PGCKA1: variants seen among roughly 807,000 people sequenced by gnomAD.
The protein encoded by PGCKA1 is PDCD10 and GCKIII kinases-associated protein 1.
the PGCKA1 span, among the ~76,000 whole-genome samples, chr4:37,459,383 G>C: frequency 6.6e-6 from 1 of 152,082 alleles, no homozygotes; most frequent in Non-Finnish European, 1.5e-5. Context: ...ATTTAGAATA[G>C]TATCTGTTAA....
chr4:37,462,665 C>T, the PGCKA1 span, among the ~76,000 whole-genome samples: 15 of 152,134 alleles, frequency 9.9e-5, no homozygotes, highest in Admixed American at 5.2e-4. Flanking sequence ...GCAATTTTGC[C>T]GTCCATTCCT....
the PGCKA1 span, among the ~76,000 whole-genome samples, chr4:37,571,674 A>C: frequency 1.3e-5 from 2 of 152,016 alleles, no homozygotes; most frequent in Non-Finnish European, 2.9e-5. Context: ...AGTAGCTGGG[A>C]CTACAAATGC....
chr4:37,497,175 C>A, the PGCKA1 span, among the ~76,000 whole-genome samples: 4 of 152,128 alleles, frequency 2.6e-5, no homozygotes, highest in African/African-American at 7.2e-5. Context: ...TCACTGAGAA[C>A]ATATGATGTT....
chr4:37,558,071 C>A, the PGCKA1 span: 2 of 152,246 alleles, frequency 1.3e-5, no homozygotes, highest in Non-Finnish European at 2.9e-5. Context: ...ACAATATCCA[C>A]AACAGGTAAG....
At chr4:37,458,716 T>C in the PGCKA1 span, among the ~76,000 whole-genome samples, 3 of 152,130 alleles carry the variant, frequency 2.0e-5, no homozygotes, top group East Asian at 5.8e-4. Flanking sequence ...CTCCAGTCTA[T>C]TTCAAAAGCA....
At chr4:37,583,439 T>C in the PGCKA1 span, among the ~76,000 whole-genome samples, 1,213 of 135,404 alleles carry the variant, frequency 9.0e-3, 5 homozygotes, top group Non-Finnish European at 0.012. Flanking sequence ...GTTTTTGTTT[T>C]TGTTTTTTTT....
the PGCKA1 span, among the ~76,000 whole-genome samples, chr4:37,481,060 TCC>T: frequency 6.6e-6 from 1 of 152,208 alleles, no homozygotes; most frequent in Non-Finnish European, 1.5e-5. Context: ...ATCCAGCATT[TCC>T]CCAAATTATT....
chr4:37,563,477 T>C, the PGCKA1 span, among the ~76,000 whole-genome samples: 2 of 152,172 alleles, frequency 1.3e-5, no homozygotes, highest in African/African-American at 4.8e-5. Flanking sequence ...CTCTCTCCTC[T>C]TAAGGCCACC....
At chr4:37,516,012 G>A in the PGCKA1 span, among the ~76,000 whole-genome samples, 1 of 152,098 alleles carries the variant, frequency 6.6e-6, no homozygotes. Flanking sequence ...CCTTTTTCAA[G>A]TCAATTGTAG....
At chr4:37,523,403 G>C in the PGCKA1 span, among the ~76,000 whole-genome samples, 1 of 150,110 alleles carries the variant, frequency 6.7e-6, no homozygotes, top group Non-Finnish European at 1.5e-5. Context: ...TTTTTTTCCT[G>C]TTTCTTCATT....
chr4:37,543,422 G>A, the PGCKA1 span, among the ~76,000 whole-genome samples: 2 of 152,122 alleles, frequency 1.3e-5, no homozygotes, highest in Non-Finnish European at 2.9e-5. Context: ...AGGTAGCAAA[G>A]GGCTTGTTTC....
At chr4:37,562,238 G>C in the PGCKA1 span, among the ~76,000 whole-genome samples, 3 of 152,218 alleles carry the variant, frequency 2.0e-5, no homozygotes, top group African/African-American at 7.2e-5. Flanking sequence ...TAGTAAGTCA[G>C]TGAATTCACA....
the PGCKA1 span, among the ~76,000 whole-genome samples, chr4:37,524,772 G>A: frequency 1.3e-5 from 2 of 152,148 alleles, no homozygotes; most frequent in Non-Finnish European, 2.9e-5. Context: ...TGAAGTGTAG[G>A]TTAAATAGAC....
the PGCKA1 span, among the ~76,000 whole-genome samples, chr4:37,482,335 A>G: frequency 6.6e-6 from 1 of 152,200 alleles, no homozygotes. Context: ...TATGGATAAT[A>G]AAGTCCAGGC....
chr4:37,589,963 C>A, the PGCKA1 span: 1 of 780,842 alleles, frequency 1.3e-6, no homozygotes, highest in Non-Finnish European at 2.1e-6. Flanking sequence ...TTTAGACATA[C>A]TTATCTAGGT....
At chr4:37,477,888 C>A in the PGCKA1 span, among the ~76,000 whole-genome samples, 22 of 152,224 alleles carry the variant, frequency 1.4e-4, no homozygotes, top group African/African-American at 5.1e-4. Context: ...AAATTAAAGA[C>A]ATAAATTATC....
the PGCKA1 span, among the ~76,000 whole-genome samples, chr4:37,490,717 C>A: frequency 6.6e-6 from 1 of 152,144 alleles, no homozygotes; most frequent in Non-Finnish European, 1.5e-5. Context: ...TTGCCACCTT[C>A]ATTTGATGGG....
chr4:37,483,014 C>T, the PGCKA1 span, among the ~76,000 whole-genome samples: 4 of 152,078 alleles, frequency 2.6e-5, no homozygotes, highest in African/African-American at 9.7e-5. Context: ...AATCTCATCC[C>T]GAATTGTAGT....
At chr4:37,464,812 A>G in the PGCKA1 span, among the ~76,000 whole-genome samples, 1 of 152,248 alleles carries the variant, frequency 6.6e-6, no homozygotes, top group Non-Finnish European at 1.5e-5. Context: ...CCAAGCATGT[A>G]AAGAACTTGT....
Sources: gnomAD v4.1 joint callset for allele counts (sites outside exome capture counted in the v4.1 genomes callset) on GRCh38, gnomAD v4.1.1 for gene constraint, MANE v1.5 for transcripts, NCBI Gene and HGNC (gene_info 2026-07-23, HGNC 2026-07-21) for gene names.